The following PDZD2 variants were observed in gnomAD, a reference collection of about 807,000 sequenced individuals.
PDZD2 encodes PDZ domain-containing protein 2.
Under a neutral mutation model 220.7 loss-of-function variants are expected in PDZD2, and 90 were observed. The ratio of observed to expected loss-of-function variants is 0.41; its 90% CI spans 0.34 to 0.49. The LOEUF (loss-of-function observed/expected upper bound fraction) is 0.49, where lower values mean the gene tolerates loss of function less well. Ranked by LOEUF, PDZD2 falls within the 20% of genes least tolerant of loss-of-function variation. The pLI, the probability that PDZD2 is intolerant of heterozygous loss-of-function variation, is 0.28. For missense variants in PDZD2, 3,174 were observed against 3,608.5 expected (o/e 0.88, Z 3.08); for synonymous variants, 1,375 against 1,450.5 (o/e 0.95, Z 1.18).
chr5:32,029,042 T>C (rs183518595), intron 6 of PDZD2, among the ~76,000 whole-genome samples: 50 of 152,304 alleles, frequency 3.3e-4, no homozygotes, highest in Admixed American at 8.5e-4. Flanking sequence ...AAAAAGATTG[T>C]GTTTTTCAGC....
At chr5:31,919,757 A>T (rs1374721514) in intron 2 of PDZD2, among the ~76,000 whole-genome samples, 1 of 149,712 alleles carries the variant, frequency 6.7e-6, no homozygotes, top group East Asian at 2.0e-4. Flanking sequence ...TCACACCTGT[A>T]ATCCGGGTTA....
At chr5:31,987,560 C>G (rs1257644026) in intron 3 of PDZD2, among the ~76,000 whole-genome samples, 1 of 152,222 alleles carries the variant, frequency 6.6e-6, no homozygotes, top group African/African-American at 2.4e-5. Context: ...ATGGTAACAT[C>G]TCCCAAGTCT....
Position 32,089,562 on chromosome 5 carries a change from G to T in PDZD2, c.6114G>T (p.Pro2038=), listed in dbSNP as rs778706404. The change falls in exon 20 of 25, where the codon CCG becomes CCT. Residue 2038 remains proline, a synonymous_variant. Transcript: ENST00000438447. ...GTGCTGACTCCGGGCCGGTGAGTCC[G>T]GCAGCGTCTAGGAACGGCATGTCCG... ...APRADSGPVS[P]AASRNGMSVA... is the part of the protein sequence containing the mutation. The T allele has an allele frequency of 6.2e-7, 1 of 1,612,084 alleles. No individual in the cohort carries two copies. Among genetic ancestry groups the T allele is most frequent in the Non-Finnish European group, 8.5e-7 (1 of 1,180,038 alleles).
chr5:32,070,273 C>T (rs369028018), intron 15 of PDZD2, among the ~76,000 whole-genome samples: 8 of 152,134 alleles, frequency 5.3e-5, no homozygotes, highest in Admixed American at 3.9e-4. Context: ...GGAAAAGGAA[C>T]TGAGACATAA....
At chr5:31,675,222 G>A (rs1384954355) in intron 1 of PDZD2, among the ~76,000 whole-genome samples, 2 of 152,208 alleles carry the variant, frequency 1.3e-5, no homozygotes, top group Admixed American at 6.5e-5. Context: ...CTCTCATTGT[G>A]CAGCTCTTTG....
chr5:31,863,134 C>T (rs1196219684), intron 2 of PDZD2, among the ~76,000 whole-genome samples: 1 of 152,232 alleles, frequency 6.6e-6, no homozygotes, highest in Non-Finnish European at 1.5e-5. Context: ...TTCTGCCTGC[C>T]TCGACCTCCC....
Position 31,799,284 on chromosome 5 carries a change from G to A in PDZD2, c.36G>A (p.Leu12=). The A allele has an allele frequency of 1.9e-6, 3 of 1,612,432 alleles. No homozygotes were observed. The highest frequency in any genetic ancestry group is 2.5e-6 in the Non-Finnish European group (3 of 1,179,054). The change falls in exon 2 of 25, where the codon CTG becomes CTA. Residue 12 remains leucine, a synonymous_variant. Transcript: ENST00000438447. Reference sequence around the variant, plus strand: ...CCCAGGACAATGCCGTGCTGCACCTGCCCCTCCTCTACCAGTGGCTGCAGA... The same window carrying A: ...CCCAGGACAATGCCGTGCTGCACCTACCCCTCCTCTACCAGTGGCTGCAGA... ...PITQDNAVLH[L]PLLYQWLQNS... is the part of the protein sequence containing the mutation.
At chr5:31,862,386 G>A (rs898575162) in intron 2 of PDZD2, among the ~76,000 whole-genome samples, 12 of 151,926 alleles carry the variant, frequency 7.9e-5, no homozygotes, top group Non-Finnish European at 1.2e-4. Context: ...TTACAGGCAT[G>A]AGCCACCATG....
intron 6 of PDZD2, among the ~76,000 whole-genome samples, chr5:32,027,618 G>A (rs1257860325): frequency 6.6e-6 from 1 of 152,168 alleles, no homozygotes; most frequent in African/African-American, 2.4e-5. Flanking sequence ...GCACGCCCAG[G>A]GTTGACGAGT....
chr5:32,052,106 G>C (rs1233126519), intron 8 of PDZD2, among the ~76,000 whole-genome samples: 4 of 152,312 alleles, frequency 2.6e-5, no homozygotes, highest in Middle Eastern at 3.4e-3. Flanking sequence ...TTCTTTATGT[G>C]GGGGAAGAAG....
At chr5:32,037,712 G>C (rs1755666790) in intron 7 of PDZD2, among the ~76,000 whole-genome samples, 1 of 152,142 alleles carries the variant, frequency 6.6e-6, no homozygotes, top group Non-Finnish European at 1.5e-5. Context: ...GCAGCTTTTG[G>C]AGCAAATAGA....
At position 31,881,324 on chromosome 5, in the gene PDZD2, ATATGTGTGTGTGTGTG is replaced by A. The variant is rs1488132305; in HGVS notation, c.476+81602_476+81617del. Among the ~76,000 whole-genome samples the A allele has an allele frequency of 2.4e-4, 29 of 118,608 alleles. No homozygotes were observed. The East Asian group carries it at 5.1e-3, about 21-fold the overall frequency. The allele number at this position is 118,608 out of a possible 152,430, so 77.8% of individuals were successfully genotyped here. On this transcript the variant is annotated intron_variant, in intron 2 of 24. Coordinates refer to ENST00000438447, the MANE Select transcript of PDZD2 (RefSeq NM_178140.4). ...GACTTGTCTCATCCCATTTCCATAT[ATATGTGTGTGTGTGTG>A]TGTGTGTGTGTGTGTGTGTGTGTGT... is the stretch of plus-strand genomic sequence containing the variant.
At chr5:31,758,398 A>G (rs944040656) in intron 1 of PDZD2, among the ~76,000 whole-genome samples, 8 of 152,324 alleles carry the variant, frequency 5.3e-5, no homozygotes, top group Non-Finnish European at 1.0e-4. Flanking sequence ...AGGGCGCCCC[A>G]GAGCTCAGCA....
intron 1 of PDZD2, among the ~76,000 whole-genome samples, chr5:31,766,022 T>A (rs2059866): frequency 1 from 151,715 of 152,232 alleles, 75,610 homozygotes; most frequent in Middle Eastern, 1. Flanking sequence ...CTACAAAAAA[T>A]TACAAAAATT....
intron 2 of PDZD2, among the ~76,000 whole-genome samples, chr5:31,822,362 T>C (rs1263461021): frequency 1.3e-5 from 2 of 149,784 alleles, no homozygotes; most frequent in Admixed American, 1.3e-4. Context: ...CTGCAACGTC[T>C]TGTGCTCAAG....
intron 1 of PDZD2, among the ~76,000 whole-genome samples, chr5:31,753,257 C>T (rs958995121): frequency 6.6e-6 from 1 of 152,156 alleles, no homozygotes; most frequent in Non-Finnish European, 1.5e-5. Context: ...CAAAAGCATA[C>T]GTGCATGATG....
At chr5:32,001,670 T>C in intron 5 of PDZD2, among the ~76,000 whole-genome samples, 1 of 152,228 alleles carries the variant, frequency 6.6e-6, no homozygotes, top group Non-Finnish European at 1.5e-5. Context: ...CAGCATCTCC[T>C]TCTTAAAGCA....
chr5:31,938,478 T>A (rs189162145), intron 2 of PDZD2, among the ~76,000 whole-genome samples: 30 of 152,306 alleles, frequency 2.0e-4, no homozygotes, highest in Admixed American at 9.8e-4. Flanking sequence ...CTTTCCTGGT[T>A]TATGAACCTG....
chr5:31,700,044 C>T (rs573606124), intron 1 of PDZD2, among the ~76,000 whole-genome samples: 1 of 152,226 alleles, frequency 6.6e-6, no homozygotes, highest in Non-Finnish European at 1.5e-5. Flanking sequence ...AGAGTGGAAG[C>T]CAGCCTGGAG....
Sources: gnomAD v4.1 joint callset for allele counts (sites outside exome capture counted in the v4.1 genomes callset) on GRCh38, gnomAD v4.1.1 for gene constraint, MANE v1.5 for transcripts, NCBI Gene and HGNC (gene_info 2026-07-23, HGNC 2026-07-21) for gene names.